FSTL5: variants seen among roughly 807,000 people sequenced by gnomAD.
FSTL5 encodes follistatin like 5, also known as follistatin-related protein 5.
Under a neutral mutation model 89.1 loss-of-function variants are expected in FSTL5, and 62 were observed. The ratio of observed to expected loss-of-function variants is 0.70; its 90% CI spans 0.57 to 0.86. The LOEUF (loss-of-function observed/expected upper bound fraction) is 0.86. Among genes scored for constraint, FSTL5 ranks in the 40% least tolerant of loss-of-function variants. The pLI is 0.00. For synonymous variants in FSTL5, 383 were observed against 346.2 expected (o/e 1.11, Z -1.18); for missense variants, 1,057 against 1,001.6 (o/e 1.06, Z -0.75).
intron 6 of FSTL5, among the ~76,000 whole-genome samples, chr4:161,757,712 G>A (rs377713569): frequency 3.2e-4 from 49 of 152,148 alleles, no homozygotes; most frequent in African/African-American, 1.1e-3. Flanking sequence ...TTTGCCTCCT[G>A]GGTTCAACCG....
In FSTL5 at chr4:161,954,659, A is replaced by G. The variant is rs1464922663; in HGVS notation, c.161-34007T>C. 3.3e-5 allele frequency among the ~76,000 whole-genome samples: 5 copies of G among 151,650 alleles called. No individual in the cohort carries two copies. In the East Asian group the frequency reaches 9.6e-4, roughly 29 times the overall value. ...CTATCATCATGCTACACTTGGTTTC[A>G]TATTCCAGTAAGGCAAGTTTGTCCT... On this transcript the variant is annotated intron_variant, in intron 3 of 15. Coordinates refer to ENST00000306100, the MANE Select transcript of FSTL5 (RefSeq NM_020116.5).
At chr4:162,095,089 GA>G (rs1730699065) in intron 2 of FSTL5, among the ~76,000 whole-genome samples, 1 of 151,566 alleles carries the variant, frequency 6.6e-6, no homozygotes. Flanking sequence ...TCTCTTACTA[GA>G]AAAAAATTAC....
intron 4 of FSTL5, among the ~76,000 whole-genome samples, chr4:161,856,098 T>A (rs539031253): frequency 6.6e-6 from 1 of 152,162 alleles, no homozygotes; most frequent in Non-Finnish European, 1.5e-5. Context: ...TAATAACAAG[T>A]ACTAATTACT....
At chr4:162,129,749 T>A (rs1347661925) in intron 1 of FSTL5, among the ~76,000 whole-genome samples, 1 of 152,254 alleles carries the variant, frequency 6.6e-6, no homozygotes, top group Non-Finnish European at 1.5e-5. Context: ...AATTTTATTC[T>A]GTCTGTTTTA....
At chr4:161,770,943 A>G (rs1383725191) in intron 5 of FSTL5, among the ~76,000 whole-genome samples, 1 of 152,044 alleles carries the variant, frequency 6.6e-6, no homozygotes, top group Admixed American at 6.6e-5. Context: ...CATGCGAGCT[A>G]TATGAGACAG....
intron 3 of FSTL5, among the ~76,000 whole-genome samples, chr4:161,955,442 T>C (rs907544423): frequency 6.6e-6 from 1 of 151,592 alleles, no homozygotes; most frequent in African/African-American, 2.4e-5. Flanking sequence ...TAAATAAAAA[T>C]AAAAACTAAA....
rs79797257 is a variant in FSTL5 at position 161,929,414 on chromosome 4, T to G, written c.161-8762A>C. On this transcript the variant is annotated intron_variant, in intron 3 of 15. Coordinates refer to ENST00000306100, the MANE Select transcript of FSTL5 (RefSeq NM_020116.5). ...AGTCAGATAGCTCAATATGCCTGTC[T>G]TCTTCTCCTTCAATATTCTGTCAGA... Among the ~76,000 whole-genome samples the G allele has an allele frequency of 3.8e-4, 57 of 151,888 alleles. 1 individual carries two copies. The East Asian group carries it at 0.011, about 28-fold the overall frequency.
chr4:161,621,621 A>G (rs1282305161), intron 7 of FSTL5, among the ~76,000 whole-genome samples: 1 of 152,112 alleles, frequency 6.6e-6, no homozygotes, highest in Admixed American at 6.6e-5. Context: ...ATTTACTTGA[A>G]AAGATTGTTA....
intron 8 of FSTL5, among the ~76,000 whole-genome samples, chr4:161,568,288 G>A (rs1732889027): frequency 1.3e-5 from 2 of 152,086 alleles, no homozygotes; most frequent in Non-Finnish European, 2.9e-5. Flanking sequence ...TCTCCTATAT[G>A]TGCAACATCT....
At chr4:161,679,675 A>C (rs752680044) in intron 6 of FSTL5, among the ~76,000 whole-genome samples, 1 of 151,880 alleles carries the variant, frequency 6.6e-6, no homozygotes, top group Non-Finnish European at 1.5e-5. Flanking sequence ...CATAGAAAAT[A>C]ACCTATGTGA....
At chr4:161,969,491 C>A (rs1178262971) in intron 3 of FSTL5, among the ~76,000 whole-genome samples, 1 of 151,964 alleles carries the variant, frequency 6.6e-6, no homozygotes, top group African/African-American at 2.4e-5. Flanking sequence ...GATCAAAATA[C>A]CAATTTAGGT....
intron 15 of FSTL5, among the ~76,000 whole-genome samples, chr4:161,388,846 C>A (rs1352654169): frequency 1.3e-5 from 2 of 152,022 alleles, no homozygotes; most frequent in Non-Finnish European, 2.9e-5. Flanking sequence ...TACTCCTGAA[C>A]AATTTTAACT....
At chr4:161,453,583 G>A (rs1424064550) in intron 15 of FSTL5, among the ~76,000 whole-genome samples, 1 of 152,034 alleles carries the variant, frequency 6.6e-6, no homozygotes, top group Non-Finnish European at 1.5e-5. Flanking sequence ...TCCACAAAAT[G>A]TGTAATAATA....
chr4:161,497,280 T>C (rs984418027), intron 12 of FSTL5, among the ~76,000 whole-genome samples: 11 of 152,100 alleles, frequency 7.2e-5, no homozygotes, highest in African/African-American at 2.7e-4. Context: ...TAATTTACTC[T>C]AGCCTTTTTT....
At chr4:161,711,548 A>C (rs1274481018) in intron 6 of FSTL5, among the ~76,000 whole-genome samples, 1 of 152,150 alleles carries the variant, frequency 6.6e-6, no homozygotes, top group African/African-American at 2.4e-5. Flanking sequence ...CCAGGATCAG[A>C]TGTTTTTACT....
At chr4:162,033,134 G>T (rs1441916420) in intron 3 of FSTL5, among the ~76,000 whole-genome samples, 2 of 152,158 alleles carry the variant, frequency 1.3e-5, no homozygotes, top group African/African-American at 4.8e-5. Flanking sequence ...TGACTATAGA[G>T]AAAAGAGTCT....
intron 4 of FSTL5, among the ~76,000 whole-genome samples, chr4:161,844,442 C>G (rs971320870): frequency 6.6e-6 from 1 of 152,088 alleles, no homozygotes; most frequent in Non-Finnish European, 1.5e-5. Context: ...GGTATATACT[C>G]AAAGGTTTAT....
chr4:162,094,285 G>GA (rs1730663409), intron 2 of FSTL5, among the ~76,000 whole-genome samples: 1 of 152,140 alleles, frequency 6.6e-6, no homozygotes, highest in Admixed American at 6.5e-5. Flanking sequence ...TACTTGGGAG[G>GA]CTGAGGCAGG....
At chr4:161,419,927 C>T (rs528502251) in intron 15 of FSTL5, among the ~76,000 whole-genome samples, 1 of 152,336 alleles carries the variant, frequency 6.6e-6, no homozygotes, top group East Asian at 1.9e-4. Flanking sequence ...GAAGTTAAAA[C>T]TGTCACAAGG....
Sources: gnomAD v4.1 joint callset for allele counts (sites outside exome capture counted in the v4.1 genomes callset) on GRCh38, gnomAD v4.1.1 for gene constraint, MANE v1.5 for transcripts, NCBI Gene and HGNC (gene_info 2026-07-23, HGNC 2026-07-21) for gene names.